The following PTPRC variants were observed in gnomAD, a reference collection of about 807,000 sequenced individuals.
The protein encoded by PTPRC is receptor-type tyrosine-protein phosphatase C.
In PTPRC, 44 loss-of-function variants were observed where a neutral mutation model predicts 155.9. The ratio of observed to expected loss-of-function variants is 0.28; its 90% CI spans 0.22 to 0.36. The LOEUF is 0.36. Ranked by LOEUF, PTPRC falls within the 10% of genes least tolerant of loss-of-function variation. The pLI is 1.00. For synonymous variants in PTPRC, 525 were observed against 533.1 expected, an observed-to-expected ratio of 0.98 and a Z score of 0.21; for missense variants, 1,401 against 1,564.6, an observed-to-expected ratio of 0.90 and a Z score of 1.76.
intron 2 of PTPRC, among the ~76,000 whole-genome samples, chr1:198,647,067 G>T (rs1294268859): frequency 6.6e-6 from 1 of 151,684 alleles, no homozygotes; most frequent in South Asian, 2.1e-4. Context: ...CCTACTGTTG[G>T]CCATGCTGTT....
chr1:198,718,745 A>G (rs1653728079), intron 14 of PTPRC, among the ~76,000 whole-genome samples: 1 of 152,136 alleles, frequency 6.6e-6, no homozygotes, highest in Non-Finnish European at 1.5e-5. Flanking sequence ...ACAGAATTTA[A>G]AACACTCATT....
intron 11 of PTPRC, 103 bp from the exon 12 acceptor site, chr1:198,712,850 A>G (rs1433585093): frequency 2.9e-5 from 36 of 1,244,348 alleles, no homozygotes; most frequent in Non-Finnish European, 1.2e-6. Flanking sequence ...TGAATTCATC[A>G]TTTGTCAAAA....
At chr1:198,715,377 G>A (rs377416050) in intron 12 of PTPRC, among the ~76,000 whole-genome samples, 4 of 151,966 alleles carry the variant, frequency 2.6e-5, no homozygotes, top group African/African-American at 9.7e-5. Flanking sequence ...CGATCCGCCC[G>A]CCTCGGCCTC....
chr1:198,641,630 A>G (rs1055503034), intron 2 of PTPRC, among the ~76,000 whole-genome samples: 1 of 152,050 alleles, frequency 6.6e-6, no homozygotes, highest in Non-Finnish European at 1.5e-5. Context: ...GGCAACTGGA[A>G]GCCAAACTTT....
At chr1:198,648,950 C>T (rs995927587) in intron 2 of PTPRC, among the ~76,000 whole-genome samples, 5 of 151,660 alleles carry the variant, frequency 3.3e-5, no homozygotes, top group African/African-American at 1.2e-4. Flanking sequence ...AGGGAAGTAA[C>T]TTGACCTTTG....
chr1:198,739,133 T>G (rs1348499802), intron 23 of PTPRC, among the ~76,000 whole-genome samples: 1 of 151,106 alleles, frequency 6.6e-6, no homozygotes, highest in African/African-American at 2.4e-5. Flanking sequence ...CACCTTCACT[T>G]AAAGGAAGAC....
At chr1:198,657,549 A>C (rs1048863667) in intron 2 of PTPRC, 1 of 152,164 alleles carries the variant, frequency 6.6e-6, no homozygotes. Context: ...AAACAAAAAA[A>C]ATGTTCAGTG....
chr1:198,673,134 C>A (rs760416275), intron 2 of PTPRC, among the ~76,000 whole-genome samples: 1 of 152,022 alleles, frequency 6.6e-6, no homozygotes, highest in African/African-American at 2.4e-5. Context: ...TCCTTTCCCA[C>A]CTAACTCAAA....
intron 2 of PTPRC, among the ~76,000 whole-genome samples, chr1:198,673,154 C>T (rs1315216475): frequency 6.6e-6 from 1 of 152,006 alleles, no homozygotes; most frequent in Non-Finnish European, 1.5e-5. Flanking sequence ...ACATATCCCT[C>T]TTAACTTAGA....
intron 26 of PTPRC, among the ~76,000 whole-genome samples, 198 bp from the exon 27 acceptor site, chr1:198,747,911 G>T (rs1035061326): frequency 6.6e-6 from 1 of 151,748 alleles, no homozygotes. Context: ...GTGCATACTA[G>T]CCCTGTCAAA....
intron 3 of PTPRC, chr1:198,694,908 T>C: frequency 2.1e-6 from 2 of 971,460 alleles, no homozygotes; most frequent in Non-Finnish European, 2.4e-6. Context: ...TGTACTTAGT[T>C]GGCTATGCTG....
At chr1:198,697,161 G>T (rs1479041410) in intron 4 of PTPRC, among the ~76,000 whole-genome samples, 12 of 152,116 alleles carry the variant, frequency 7.9e-5, no homozygotes. Context: ...GGGGAAATTT[G>T]TTCTAGTATC....
At chr1:198,754,637 G>T (rs565039017) in intron 32 of PTPRC, among the ~76,000 whole-genome samples, 13 of 151,896 alleles carry the variant, frequency 8.6e-5, no homozygotes, top group Non-Finnish European at 1.6e-4. Context: ...ACTTTGTTGT[G>T]ACAGTTCATG....
chr1:198,692,217 G>T (rs1429790481), intron 2 of PTPRC, 130 bp from the exon 3 acceptor site: 6 of 571,680 alleles, frequency 1.0e-5, no homozygotes, highest in Non-Finnish European at 5.9e-6. Flanking sequence ...TAGGGTAAAA[G>T]CTACTGAAAA....
At chr1:198,731,524 A>G (rs772439352) in intron 17 of PTPRC, 93 bp from the exon 18 acceptor site, 11 of 910,146 alleles carry the variant, frequency 1.2e-5, no homozygotes, top group Non-Finnish European at 2.0e-5. Context: ...GAAAGAAGCT[A>G]AAGGATTGAG....
intron 12 of PTPRC, among the ~76,000 whole-genome samples, 184 bp from the exon 13 acceptor site, chr1:198,716,498 A>T (rs1653592199): frequency 6.6e-6 from 1 of 152,212 alleles, no homozygotes; most frequent in African/African-American, 2.4e-5. Flanking sequence ...ATGATAATTG[A>T]GTTTGTTCAA....
chr1:198,707,205 T>C (rs1351056754), intron 9 of PTPRC, among the ~76,000 whole-genome samples: 1 of 152,240 alleles, frequency 6.6e-6, no homozygotes, highest in East Asian at 1.9e-4. Context: ...GTGCACTAAA[T>C]ATAGTTTATC....
At chr1:198,668,313 G>A (rs147517761) in intron 2 of PTPRC, among the ~76,000 whole-genome samples, 2 of 152,192 alleles carry the variant, frequency 1.3e-5, no homozygotes, top group African/African-American at 4.8e-5. Flanking sequence ...CCTGAGTATA[G>A]TCACATGCCA....
At chr1:198,701,571 T>C (rs1275931044) in intron 5 of PTPRC, among the ~76,000 whole-genome samples, 3 of 152,172 alleles carry the variant, frequency 2.0e-5, no homozygotes, top group Non-Finnish European at 2.9e-5. Context: ...ATTCTGGATG[T>C]GATGTTGGGC....
Sources: gnomAD v4.1 joint callset for allele counts (sites outside exome capture counted in the v4.1 genomes callset) on GRCh38, gnomAD v4.1.1 for gene constraint, MANE v1.5 for transcripts, NCBI Gene and HGNC (gene_info 2026-07-23, HGNC 2026-07-21) for gene names.